The following PARN variants were observed in gnomAD, a reference collection of about 807,000 sequenced individuals.
The protein encoded by PARN is poly(A)-specific ribonuclease.
Under a neutral mutation model 102.8 loss-of-function variants are expected in PARN, and 71 were observed. The ratio of observed to expected loss-of-function variants is 0.69; its 90% confidence interval spans 0.57 to 0.84. The LOEUF is 0.84. PARN is among the 40% of genes least tolerant of loss of function. The pLI, the probability that PARN is intolerant of heterozygous loss-of-function variation, is 0.00. For synonymous variants in PARN, 261 were observed against 252.9 expected (o/e 1.03, Z -0.30); for missense variants, 782 against 760.9 (o/e 1.03, Z -0.33).
intron 11 of PARN, among the ~76,000 whole-genome samples, chr16:14,603,124 A>T (rs762691280): frequency 6.6e-6 from 1 of 152,032 alleles, no homozygotes; most frequent in Non-Finnish European, 1.5e-5. Flanking sequence ...GGGTTTCGCT[A>T]TGTTGCTCAG....
At chr16:14,527,225 C>T (rs1458638582) in intron 21 of PARN, among the ~76,000 whole-genome samples, 1 of 152,296 alleles carries the variant, frequency 6.6e-6, no homozygotes, top group South Asian at 2.1e-4. Flanking sequence ...TCCAAACAAG[C>T]CAGTTTTACC....
intron 18 of PARN, chr16:14,558,313 C>T (rs1967831284): frequency 1.3e-5 from 2 of 151,854 alleles, no homozygotes. Flanking sequence ...GCCTGGCCAA[C>T]ACGGTGAAAC....
rs370365171 is a variant in PARN, at chr16:14,468,756, T to C, written c.1670+13882A>G. On this transcript the variant is annotated intron_variant, in intron 22 of 23. Coordinates refer to ENST00000437198, the MANE Select transcript of PARN (RefSeq NM_002582.4). ...AATATATAGAAAGTTTAAAGAACTA[T>C]ACAGTACAGGCACAGTGATGTGTGA... 2.0e-5 allele frequency among the ~76,000 whole-genome samples: 3 copies of C among 152,194 alleles called. No homozygotes were observed. In the East Asian group the frequency reaches 5.8e-4, roughly 29 times the overall value.
rs1389544434 is a variant in PARN at position 14,630,218 on chromosome 16, T to TGA, written c.-95_-94dup. 6 of 1,150,934 alleles carry TGA rather than the reference T, an allele frequency of 5.2e-6. No individual in the cohort carries two copies. The allele number at this position is 1,150,934 out of a possible 1,614,324, so 71.3% of individuals were successfully genotyped here. A position where few individuals can be genotyped will look rare whatever the true frequency, so the allele number is the denominator to read the frequency against. ...ATTCCGCGGCGACTGCGGCAGTAGC[T>TGA]GAGGCAGCCGCAGCGGTGACGCCGG... On this transcript the variant is annotated 5_prime_UTR_variant, in exon 1 of 24. Transcript: ENST00000437198.
chr16:14,619,658 G>T (rs1972164418), intron 5 of PARN, among the ~76,000 whole-genome samples: 1 of 151,980 alleles, frequency 6.6e-6, no homozygotes, highest in South Asian at 2.1e-4. Context: ...CTATCCCACA[G>T]GCTGAGGTGG....
intron 21 of PARN, among the ~76,000 whole-genome samples, chr16:14,548,903 G>A (rs1260388939): frequency 4.7e-5 from 7 of 150,510 alleles, no homozygotes; most frequent in South Asian, 2.1e-4. Context: ...GCAGTGAGTC[G>A]AGTTTGTGCC....
intron 21 of PARN, among the ~76,000 whole-genome samples, chr16:14,540,329 G>T (rs1025300358): frequency 1.3e-5 from 2 of 152,006 alleles, no homozygotes; most frequent in African/African-American, 2.4e-5. Flanking sequence ...TCATTTTTTG[G>T]TTTTTATTGA....
intron 18 of PARN, among the ~76,000 whole-genome samples, chr16:14,569,370 C>T (rs919040617): frequency 1.3e-5 from 2 of 152,194 alleles, no homozygotes; most frequent in African/African-American, 4.8e-5. Context: ...ACCAAACAGC[C>T]TTATCAGCGC....
At chr16:14,603,298 T>C (rs1970987483) in intron 11 of PARN, among the ~76,000 whole-genome samples, 1 of 152,160 alleles carries the variant, frequency 6.6e-6, no homozygotes, top group Admixed American at 6.5e-5. Context: ...GCAGCACCTC[T>C]TGCTAATCTT....
At chr16:14,532,865 C>G (rs1966426157) in intron 21 of PARN, among the ~76,000 whole-genome samples, 1 of 151,302 alleles carries the variant, frequency 6.6e-6, no homozygotes, top group Non-Finnish European at 1.5e-5. Flanking sequence ...GGCTGACCCC[C>G]CCACCTCCCT....
At chr16:14,569,218 T>C (rs1310729970) in intron 18 of PARN, among the ~76,000 whole-genome samples, 3 of 149,334 alleles carry the variant, frequency 2.0e-5, no homozygotes, top group Admixed American at 6.7e-5. Flanking sequence ...AAAAAATATA[T>C]ACAAATTTAA....
At chr16:14,463,049 G>C (rs554510205) in intron 22 of PARN, among the ~76,000 whole-genome samples, 3 of 152,256 alleles carry the variant, frequency 2.0e-5, no homozygotes, top group Non-Finnish European at 4.4e-5. Flanking sequence ...CCCCAGGGCT[G>C]GGGAAAGAAC....
At chr16:14,441,738 C>A (rs1960950925) in intron 23 of PARN, among the ~76,000 whole-genome samples, 1 of 152,336 alleles carries the variant, frequency 6.6e-6, no homozygotes, top group Admixed American at 6.5e-5. Context: ...CACACTTGAA[C>A]ATAGTAATTA....
chr16:14,505,655 G>A (rs1042134014), intron 21 of PARN, among the ~76,000 whole-genome samples: 1 of 152,118 alleles, frequency 6.6e-6, no homozygotes, highest in Admixed American at 6.5e-5. Flanking sequence ...ACCATGTCTT[G>A]TACCTAATAA....
At chr16:14,578,248 G>C (rs1969274392) in intron 18 of PARN, among the ~76,000 whole-genome samples, 2 of 137,024 alleles carry the variant, frequency 1.5e-5, no homozygotes, top group African/African-American at 5.4e-5. Flanking sequence ...AGAATCACTT[G>C]AACCTAGGAG....
chr16:14,505,119 A>G (rs984827888), intron 21 of PARN, among the ~76,000 whole-genome samples: 9 of 152,270 alleles, frequency 5.9e-5, no homozygotes, highest in African/African-American at 1.9e-4. Flanking sequence ...ACTGTTTAGT[A>G]TATCATACAA....
At chr16:14,580,033 T>C (rs768925734) in intron 18 of PARN, among the ~76,000 whole-genome samples, 11 of 151,060 alleles carry the variant, frequency 7.3e-5, no homozygotes, top group Non-Finnish European at 1.0e-4. Flanking sequence ...GTGGGTTCCA[T>C]GGTCTACAGC....
Position 14,546,327 on chromosome 16 carries a change from T to C in PARN, c.1480+5694A>G, listed in dbSNP as rs575410115. On this transcript the variant is annotated intron_variant, in intron 21 of 23. Coordinates refer to ENST00000437198, the MANE Select transcript of PARN (RefSeq NM_002582.4). ...TTTAACATAAGCACACTCAATAATT[T>C]AGACTGAGGCAAAGCCAAGTGTCTT... 2.6e-5 allele frequency among the ~76,000 whole-genome samples: 4 copies of C among 152,362 alleles called. No homozygotes were observed. In the South Asian group the frequency reaches 8.3e-4, roughly 32 times the overall value.
intron 22 of PARN, among the ~76,000 whole-genome samples, chr16:14,462,761 C>T (rs889285145): frequency 1.3e-5 from 2 of 152,190 alleles, no homozygotes; most frequent in Non-Finnish European, 2.9e-5. Context: ...ACACAAAAGA[C>T]ACTGGAGCAA....
Sources: gnomAD v4.1 joint callset for allele counts (sites outside exome capture counted in the v4.1 genomes callset) on GRCh38, gnomAD v4.1.1 for gene constraint, MANE v1.5 for transcripts, NCBI Gene and HGNC (gene_info 2026-07-23, HGNC 2026-07-21) for gene names.